The following COX4I2 variants were observed in gnomAD, a reference collection of about 807,000 sequenced individuals.
COX4I2 encodes cytochrome c oxidase subunit 4 isoform 2, mitochondrial.
Under a neutral mutation model 20.8 loss-of-function variants are expected in COX4I2, and 15 were observed. That is an observed-to-expected ratio of 0.72 (90% CI 0.48 to 1.11). The LOEUF (loss-of-function observed/expected upper bound fraction) is 1.11, where lower values mean the gene tolerates loss of function less well. Ranked by LOEUF, COX4I2 falls within the 50% of genes most tolerant of loss-of-function variation. COX4I2 has a pLI of 0.00. For synonymous variants in COX4I2, 80 were observed against 78.1 expected, an observed-to-expected ratio of 1.02 and a Z score of -0.13; for missense variants, 224 against 223.0, an observed-to-expected ratio of 1.00 and a Z score of -0.03.
intron 3 of COX4I2, among the ~76,000 whole-genome samples, chr20:31,643,199 T>G (rs1206353678): frequency 1.3e-5 from 2 of 152,216 alleles, no homozygotes; most frequent in African/African-American, 4.8e-5. Context: ...GCATTTGCCA[T>G]TGTCTCCCCC....
intron 4 of COX4I2, among the ~76,000 whole-genome samples, chr20:31,644,364 C>T (rs936439890): frequency 4.6e-5 from 7 of 152,144 alleles, no homozygotes; most frequent in African/African-American, 1.7e-4. Flanking sequence ...GAAACTGAGG[C>T]TCAGAGAGAT....
intron 1 of COX4I2, among the ~76,000 whole-genome samples, chr20:31,638,431 C>T (rs2060448147): frequency 6.7e-6 from 1 of 149,394 alleles, no homozygotes. Flanking sequence ...CCTGAGTCTT[C>T]CCTGGGGGTG....
Position 31,644,973 on chromosome 20 carries a change from C to T in COX4I2, c.*69C>T. ...AGCCTCTGGCGGCCCCTCCCCTCCC[C>T]TGCCCTTAACCCCAGTAAAGCTCCA... On this transcript the variant is annotated 3_prime_UTR_variant, in exon 5 of 5. Transcript: ENST00000376075. 6.4e-7 allele frequency: 1 copy of T among 1,566,086 alleles called. No homozygotes were observed. Among genetic ancestry groups the T allele is most frequent in the Non-Finnish European group, 8.7e-7 (1 of 1,148,674 alleles).
At chr20:31,641,602 C>T (rs1024660323) in intron 3 of COX4I2, among the ~76,000 whole-genome samples, 1 of 152,174 alleles carries the variant, frequency 6.6e-6, no homozygotes, top group African/African-American at 2.4e-5. Context: ...CATAGACAGG[C>T]ACCAGGGGTT....
Position 31,644,890 on chromosome 20 carries a change from C to A in COX4I2, c.502C>A (p.Gln168Lys), listed in dbSNP as rs1357241136. The change falls in exon 5 of 5, where the codon CAG becomes AAG. Residue 168 changes from glutamine (Q) to lysine (K), a missense_variant. Physicochemically the swap from Gln to Lys is moderately conservative, Grantham distance 53. Coordinates refer to ENST00000376075, the MANE Select transcript of COX4I2 (RefSeq NM_032609.3). ...CTCCCGCTGGGACTATGAGAAGAAG[C>A]AGTGGAAGAAGTGACTTGCATCCCC... ...LASRWDYEKK[Q>K]WKK The A allele has an allele frequency of 1.9e-6, 3 of 1,613,936 alleles. No homozygotes were observed. The East Asian group carries it at 6.7e-5, about 36-fold the overall frequency.
rs201106165 is a variant in COX4I2 at position 31,640,081 on chromosome 20, C to T, written c.231C>T (p.His77=). 5.6e-5 allele frequency: 90 copies of T among 1,611,296 alleles called. No homozygotes were observed. The highest frequency in any genetic ancestry group is 5.1e-4 in the Middle Eastern group (3 of 5,904). Residue 77 remains histidine (H), a synonymous_variant, in exon 3 of 5, where the codon CAC becomes CAT. Coordinates refer to ENST00000376075, the MANE Select transcript of COX4I2 (RefSeq NM_032609.3). ...AGGGAAGCTGGACCCAGCTGACCCA[C>T]GCCGAAAAGGTGGCCTGTAAGTGTC... ...KEKGSWTQLT[H]AEKVALYRLQ... is the part of the protein sequence containing the mutation.
intron 2 of COX4I2, 107 bp downstream of exon 2, chr20:31,639,206 A>G: frequency 1.5e-5 from 23 of 1,539,686 alleles, no homozygotes; most frequent in Non-Finnish European, 1.9e-5. Flanking sequence ...GCCTGTTCCT[A>G]CCACACTTCC....
At chr20:31,639,558 CTTTT>C (rs770616004) in intron 2 of COX4I2, among the ~76,000 whole-genome samples, 1 of 133,106 alleles carries the variant, frequency 7.5e-6, no homozygotes, top group Non-Finnish European at 1.6e-5. Context: ...TATAAACCTC[CTTTT>C]TTTTTTTTTT....
chr20:31,644,681 T>A, intron 4 of COX4I2, 87 bp from the exon 5 acceptor site: 1 of 1,504,924 alleles, frequency 6.6e-7, no homozygotes, highest in Non-Finnish European at 9.2e-7. Flanking sequence ...GCCTTGCGAG[T>A]GGCTGGGAGG....
chr20:31,643,577 C>G (rs748718509), intron 4 of COX4I2, 42 bp downstream of exon 4: 1 of 1,611,110 alleles, frequency 6.2e-7, no homozygotes, highest in Non-Finnish European at 8.5e-7. Context: ...CTGGGCCATG[C>G]CCTTGTGGTC....
Position 31,643,506 on chromosome 20 carries a change from C to G in COX4I2, c.350C>G (p.Ala117Gly). 6.2e-7 allele frequency: 1 copy of G among 1,614,178 alleles called. No homozygotes were observed. The highest frequency in any genetic ancestry group is 8.5e-7 in the Non-Finnish European group (1 of 1,180,028). ...GCVFFFIGFA[A>G]LVIWWQRVYV... ...GTCTTCTTCTTCATTGGATTCGCAGCTCTGGTGATTTGGTGGCAGCGGGTC... is the reference window on the plus strand; with the variant it reads ...GTCTTCTTCTTCATTGGATTCGCAGGTCTGGTGATTTGGTGGCAGCGGGTC... The change falls in exon 4 of 5, where the codon GCT becomes GGT. Residue 117 changes from alanine (A) to glycine (G), a missense_variant. Transcript: ENST00000376075.
intron 4 of COX4I2, among the ~76,000 whole-genome samples, 153 bp downstream of exon 4, chr20:31,643,688 TAGG>T (rs1417489167): frequency 1.3e-5 from 2 of 152,202 alleles, no homozygotes; most frequent in Non-Finnish European, 2.9e-5. Flanking sequence ...CATGGCTGTC[TAGG>T]TTTGAATGCA....
rs778513475 is a variant in COX4I2 at position 31,645,006 on chromosome 20, A to T, written c.*102A>T. 6.7e-5 allele frequency: 92 copies of T among 1,382,850 alleles called. No individual in the cohort carries two copies. Among genetic ancestry groups the T allele is most frequent in the Non-Finnish European group, 8.9e-5 (89 of 1,000,146 alleles). The allele number at this position is 1,382,850 out of a possible 1,614,324, so 85.7% of individuals were successfully genotyped here. A position where few individuals can be genotyped will look rare whatever the true frequency, so the allele number is the denominator to read the frequency against. On this transcript the variant is annotated 3_prime_UTR_variant, in exon 5 of 5. Transcript: ENST00000376075. ...AACCCCAGTAAAGCTCCAAAAAAAA[A>T]TTTATTCTCTTCTGCCTCTCACCAC...
intron 1 of COX4I2, among the ~76,000 whole-genome samples, chr20:31,638,226 T>A (rs2060447080): frequency 6.6e-6 from 1 of 151,930 alleles, no homozygotes; most frequent in South Asian, 2.1e-4. Context: ...GAGCCCCTCT[T>A]TTCCAGAAGT....
chr20:31,643,319 C>G (rs565969011), intron 3 of COX4I2, 85 bp from the exon 4 acceptor site: 8 of 1,532,464 alleles, frequency 5.2e-6, no homozygotes, highest in Admixed American at 1.7e-5. Flanking sequence ...GCTGAATGAA[C>G]AGCATCTGCT....
At position 31,640,107 on chromosome 20, in the gene COX4I2, A is replaced by G; in HGVS notation, c.247+10A>G. 1.2e-6 allele frequency: 2 copies of G among 1,602,688 alleles called. No homozygotes were observed. Among genetic ancestry groups the G allele is most frequent in the Non-Finnish European group, 1.7e-6 (2 of 1,177,906 alleles). ...GCCGAAAAGGTGGCCTGTAAGTGTC[A>G]GGGTGGGGCTGGCTGGAGAGAGTGG... On this transcript the variant is annotated intron_variant, in intron 3 of 4. Coordinates refer to ENST00000376075, the MANE Select transcript of COX4I2 (RefSeq NM_032609.3).
chr20:31,639,444 C>A (rs929434498), intron 2 of COX4I2, among the ~76,000 whole-genome samples: 1 of 151,972 alleles, frequency 6.6e-6, no homozygotes, highest in Non-Finnish European at 1.5e-5. Context: ...AAGAAAGAGA[C>A]CTAAAGTAGG....
At chr20:31,642,431 ATTTTTTT>A (rs57483570) in intron 3 of COX4I2, among the ~76,000 whole-genome samples, 9 of 88,838 alleles carry the variant, frequency 1.0e-4, no homozygotes, top group East Asian at 7.0e-4. Flanking sequence ...ACGTAGGGTA[ATTTTTTT>A]TTTTTTTTTT....
At chr20:31,644,497 T>C (rs1340251567) in intron 4 of COX4I2, among the ~76,000 whole-genome samples, 1 of 152,142 alleles carries the variant, frequency 6.6e-6, no homozygotes, top group Non-Finnish European at 1.5e-5. Context: ...GACTGAGTTG[T>C]GAAGGACCTT....
Sources: allele counts gnomAD v4.1 joint callset (sites outside exome capture counted in the v4.1 genomes callset), GRCh38; gene constraint gnomAD v4.1.1; transcripts MANE v1.5; gene names NCBI Gene and HGNC (gene_info 2026-07-23, HGNC 2026-07-21).